SMAD7: variants seen among roughly 807,000 people sequenced by gnomAD.
SMAD7 encodes SMAD family member 7.
A neutral mutation model predicts 38.7 loss-of-function variants in SMAD7; 8 were observed. The observed-to-expected ratio is 0.21, with a 90% confidence interval of 0.12 to 0.37. The LOEUF (loss-of-function observed/expected upper bound fraction) is 0.37, where lower values mean the gene tolerates loss of function less well. Ranked by LOEUF, SMAD7 falls within the 10% of genes least tolerant of loss-of-function variation. SMAD7 has a pLI of 1.00. For missense variants in SMAD7, 477 were observed against 577.9 expected, an observed-to-expected ratio of 0.83 and a Z score of 1.79; for synonymous variants, 327 against 265.1, an observed-to-expected ratio of 1.23 and a Z score of -2.27.
intron 3 of SMAD7, among the ~76,000 whole-genome samples, chr18:48,927,393 C>A (rs544986449): frequency 6.6e-6 from 1 of 152,012 alleles, no homozygotes; most frequent in South Asian, 2.1e-4. Flanking sequence ...GCCACAGGGT[C>A]TCCTTCAAAG....
chr18:48,925,241 C>T (rs1272716300), intron 3 of SMAD7, among the ~76,000 whole-genome samples: 1 of 152,228 alleles, frequency 6.6e-6, no homozygotes, highest in Non-Finnish European at 1.5e-5. Flanking sequence ...TCCCCCTCCC[C>T]AGAAAACTGT....
At chr18:48,948,485 GAGAT>G (rs760330985) in intron 1 of SMAD7, 48 bp from the exon 2 acceptor site, 1 of 1,374,056 alleles carries the variant, frequency 7.3e-7, no homozygotes, top group Non-Finnish European at 1.0e-6. Context: ...CATGAGAAGA[GAGAT>G]AGAAACTTAT....
intron 3 of SMAD7, among the ~76,000 whole-genome samples, chr18:48,936,131 AC>A (rs1366070574): frequency 7.1e-6 from 1 of 140,700 alleles, no homozygotes; most frequent in East Asian, 2.1e-4. Flanking sequence ...ACACACACAC[AC>A]GAGATCCCAG....
chr18:48,921,390 G>A lies in SMAD7; in HGVS notation c.1263C>T (p.Val421=), dbSNP rs1188843383. The change falls in exon 4 of 4, where the codon GTC becomes GTT. Residue 421 remains valine, a synonymous_variant. Coordinates refer to ENST00000262158, the MANE Select transcript of SMAD7 (RefSeq NM_005904.4). This position sits in a 1 kb window ranked among gnomAD's most constrained non-coding sequence, Gnocchi z 6.4. ...CACGCGGCTACCGGCTGTTGAAGATGACCTCTAGCCAGCACGGGCAGCTGC... is the reference window on the plus strand; with the variant it reads ...CACGCGGCTACCGGCTGTTGAAGATAACCTCTAGCCAGCACGGGCAGCTGC... ...FISSCPCWLE[V]IFNSR is the part of the protein sequence containing the mutation. 1.9e-6 allele frequency: 3 copies of A among 1,610,890 alleles called. No homozygotes were observed. The highest frequency in any genetic ancestry group is 2.5e-6 in the Non-Finnish European group (3 of 1,177,396).
intron 3 of SMAD7, among the ~76,000 whole-genome samples, chr18:48,927,220 G>A (rs2069939106): frequency 6.6e-6 from 1 of 152,078 alleles, no homozygotes; most frequent in South Asian, 2.1e-4. Flanking sequence ...AAAACACTGG[G>A]GCCCAACCCA....
At chr18:48,941,241 C>G (rs1044397973) in intron 3 of SMAD7, among the ~76,000 whole-genome samples, 5 of 152,278 alleles carry the variant, frequency 3.3e-5, no homozygotes, top group Non-Finnish European at 7.3e-5. Flanking sequence ...GCCTGAAGCC[C>G]CCTCCCTTCT....
At position 48,950,377 on chromosome 18, in the gene SMAD7, G is replaced by C; in HGVS notation, c.48C>G (p.Ser16Arg). The C allele has an allele frequency of 1.3e-6, 2 of 1,544,026 alleles. No homozygotes were observed. Among genetic ancestry groups the C allele is most frequent in the Non-Finnish European group, 8.7e-7 (1 of 1,145,084 alleles). ...RSALVRRLWR[S>R]RAPGGEDEEE... ...CCTCGTCCTCGCCGCCGGGCGCACG[G>C]CTCCTCCAGAGACGCCGGACGAGCG... is the stretch of plus-strand genomic sequence containing the variant. The change falls in exon 1 of 4, where the codon AGC (serine) becomes AGG (arginine). Residue 16 changes from serine to arginine, a missense_variant. Ser to Arg is a moderately radical substitution (Grantham distance 110). Transcript: ENST00000262158.
intron 3 of SMAD7, among the ~76,000 whole-genome samples, chr18:48,937,269 T>A (rs1032246686): frequency 7.1e-6 from 1 of 141,394 alleles, no homozygotes; most frequent in East Asian, 2.3e-4. Context: ...AAGGCATGTG[T>A]GTGTGTGTGT....
chr18:48,927,175 AC>A (rs1294023548), intron 3 of SMAD7, among the ~76,000 whole-genome samples: 1 of 152,192 alleles, frequency 6.6e-6, no homozygotes, highest in Non-Finnish European at 1.5e-5. Context: ...GAGGAAACAA[AC>A]CAAAATGTTT....
chr18:48,934,565 G>A (rs1206049625), intron 3 of SMAD7, among the ~76,000 whole-genome samples: 2 of 152,126 alleles, frequency 1.3e-5, no homozygotes, highest in African/African-American at 2.4e-5. Context: ...CCAGCCAAGA[G>A]CTGCTTGGCC....
At chr18:48,942,412 C>A (rs1428699529) in intron 3 of SMAD7, 69 bp downstream of exon 3, 2 of 1,094,036 alleles carry the variant, frequency 1.8e-6, no homozygotes, top group Non-Finnish European at 1.3e-6. Flanking sequence ...AGGCCACCCC[C>A]ATTCCTCCAG....
At chr18:48,924,300 G>A (rs941950811) in intron 3 of SMAD7, among the ~76,000 whole-genome samples, 1 of 152,164 alleles carries the variant, frequency 6.6e-6, no homozygotes, top group African/African-American at 2.4e-5. Flanking sequence ...ACCTGGCACC[G>A]GCCAACAGGA....
In SMAD7 at chr18:48,921,739, T is replaced by C. The variant is rs2069864314; in HGVS notation, c.914A>G (p.Asn305Ser). The C allele has an allele frequency of 1.9e-6, 3 of 1,614,060 alleles. No individual in the cohort carries two copies. Among genetic ancestry groups the C allele is most frequent in the East Asian group, 4.5e-5 (2 of 44,892 alleles). The change falls in exon 4 of 4, where the codon AAC (asparagine) becomes AGC (serine). Residue 305 changes from asparagine to serine, a missense_variant. Coordinates refer to ENST00000262158, the MANE Select transcript of SMAD7 (RefSeq NM_005904.4). This position sits in a 1 kb window ranked among gnomAD's most constrained non-coding sequence, Gnocchi z 6.4. ...CACCTTCTGCACCAGCTGACTCTTG[T>C]TGTCCGAATTGAGCTGTCCGAGGCA... ...GFCLGQLNSDNKSQLVQKVRS... is the reference protein window; with the variant it reads ...GFCLGQLNSDSKSQLVQKVRS...
chr18:48,929,567 T>TCACACACA (rs112497008), intron 3 of SMAD7, among the ~76,000 whole-genome samples: 12 of 61,692 alleles, frequency 1.9e-4, no homozygotes, highest in Non-Finnish European at 2.7e-4. Context: ...TCTCTCTCTC[T>TCACACACA]CTCACTCACA....
chr18:48,932,004 GC>G (rs1281169398), intron 3 of SMAD7, among the ~76,000 whole-genome samples: 1 of 152,174 alleles, frequency 6.6e-6, no homozygotes, highest in African/African-American at 2.4e-5. Context: ...TTTTGATTGT[GC>G]CCCCACTGAG....
intron 3 of SMAD7, among the ~76,000 whole-genome samples, chr18:48,922,225 G>C (rs2143751960): frequency 6.6e-6 from 1 of 152,288 alleles, no homozygotes; most frequent in African/African-American, 2.4e-5. Context: ...AGATGCAAAG[G>C]GACCCTTAAT....
intron 3 of SMAD7, among the ~76,000 whole-genome samples, chr18:48,933,401 C>A (rs1240357731): frequency 6.6e-6 from 1 of 152,254 alleles, no homozygotes; most frequent in Non-Finnish European, 1.5e-5. Context: ...TCGGACAAGC[C>A]ATTCCAACTG....
chr18:48,938,138 G>A (rs571424179), intron 3 of SMAD7, among the ~76,000 whole-genome samples: 4 of 152,232 alleles, frequency 2.6e-5, no homozygotes, highest in African/African-American at 9.6e-5. Context: ...TGTGGACTGA[G>A]CCAGGGGTGC....
At chr18:48,931,286 C>G (rs920718161) in intron 3 of SMAD7, among the ~76,000 whole-genome samples, 1 of 152,162 alleles carries the variant, frequency 6.6e-6, no homozygotes, top group African/African-American at 2.4e-5. Context: ...CAGAACTATA[C>G]ACTTAAAAAT....
Sources: gnomAD v4.1 joint callset for allele counts (sites outside exome capture counted in the v4.1 genomes callset) on GRCh38, gnomAD v4.1.1 for gene constraint, Gnocchi (gnomAD v3.1) non-coding constraint, MANE v1.5 for transcripts, NCBI Gene and HGNC (gene_info 2026-07-23, HGNC 2026-07-21) for gene names.